Variants in SH3RF3 observed in about 807,000 individuals in gnomAD.
SH3RF3 encodes E3 ubiquitin-protein ligase SH3RF3.
A neutral mutation model predicts 66.3 loss-of-function variants in SH3RF3; 29 were observed. The ratio of observed to expected loss-of-function variants is 0.44; its 90% confidence interval spans 0.33 to 0.60. SH3RF3 has a LOEUF of 0.60. Among genes scored for constraint, SH3RF3 ranks in the 20% least tolerant of loss-of-function variants. The pLI is 0.04. For missense variants in SH3RF3, 1,194 were observed against 1,190.9 expected, an observed-to-expected ratio of 1.00 and a Z score of -0.04; for synonymous variants, 583 against 532.0, an observed-to-expected ratio of 1.10 and a Z score of -1.32.
intron 3 of SH3RF3, among the ~76,000 whole-genome samples, chr2:109,372,507 A>G (rs777445540): frequency 8.5e-5 from 13 of 152,230 alleles, no homozygotes; most frequent in African/African-American, 2.7e-4. Flanking sequence ...TGTGCCAGAC[A>G]CTTGGAAGTA....
chr2:109,374,167 C>T (rs1369054296), intron 3 of SH3RF3, among the ~76,000 whole-genome samples: 1 of 152,194 alleles, frequency 6.6e-6, no homozygotes, highest in Non-Finnish European at 1.5e-5. Context: ...TTCCACCCAC[C>T]TGGATAGGAA....
intron 1 of SH3RF3, among the ~76,000 whole-genome samples, chr2:109,207,314 CTAATT>C (rs1210945917): frequency 1.3e-5 from 2 of 152,064 alleles, no homozygotes; most frequent in Non-Finnish European, 2.9e-5. Flanking sequence ...GAATTTGTCT[CTAATT>C]TATGCCAATT....
intron 1 of SH3RF3, among the ~76,000 whole-genome samples, chr2:109,268,953 G>A (rs10195035): frequency 1.1e-4 from 16 of 152,066 alleles, no homozygotes; most frequent in Non-Finnish European, 1.6e-4. Flanking sequence ...ATCTTTTTCC[G>A]TTTTCTGGGG....
chr2:109,224,962 C>A (rs1325825243), intron 1 of SH3RF3, among the ~76,000 whole-genome samples: 1 of 152,094 alleles, frequency 6.6e-6, no homozygotes, highest in Non-Finnish European at 1.5e-5. Context: ...TGCAGCATAA[C>A]CTTATCTTTT....
intron 1 of SH3RF3, among the ~76,000 whole-genome samples, chr2:109,280,974 G>A (rs1021749862): frequency 2.6e-5 from 4 of 152,220 alleles, no homozygotes; most frequent in African/African-American, 9.6e-5. Context: ...CAGTGGTGAT[G>A]CAGAACACAC....
chr2:109,488,674 G>C (rs923546134), intron 8 of SH3RF3, among the ~76,000 whole-genome samples: 14 of 152,138 alleles, frequency 9.2e-5, no homozygotes, highest in Non-Finnish European at 1.5e-4. Context: ...TCTCCCTCAA[G>C]TTGTGCCGCC....
chr2:109,326,579 A>G (rs904463071), intron 1 of SH3RF3, among the ~76,000 whole-genome samples: 4 of 152,156 alleles, frequency 2.6e-5, no homozygotes, highest in Non-Finnish European at 5.9e-5. Flanking sequence ...TTTAATTTGC[A>G]GTTCTTGGAT....
At chr2:109,472,517 T>C (rs1678550101) in intron 8 of SH3RF3, among the ~76,000 whole-genome samples, 1 of 152,158 alleles carries the variant, frequency 6.6e-6, no homozygotes, top group South Asian at 2.1e-4. Context: ...GAGCTTTGAT[T>C]TACGGTTGCT....
Position 109,307,708 on chromosome 2 carries a change from A to G in SH3RF3, c.574-39966A>G, listed in dbSNP as rs1681632000. On this transcript the variant is annotated intron_variant, in intron 1 of 9. Coordinates refer to ENST00000309415, the MANE Select transcript of SH3RF3 (RefSeq NM_001099289.3). ...TTGCTCTTGCGATAGTTTACTGAGA[A>G]TGATGATTTCCAATTTCATCCATGT... Among the ~76,000 whole-genome samples, 3 of 148,868 alleles carry G rather than the reference A, an allele frequency of 2.0e-5. No individual in the cohort carries two copies. The South Asian group carries it at 6.4e-4, about 32-fold the overall frequency.
chr2:109,491,072 C>G, intron 9 of SH3RF3, 136 bp downstream of exon 9: 1 of 796,532 alleles, frequency 1.3e-6, no homozygotes, highest in Non-Finnish European at 1.8e-6. Flanking sequence ...CCCAGATCCA[C>G]ATGGTCCCGA....
At position 109,449,456 on chromosome 2, in the gene SH3RF3, G is replaced by A. The variant is rs950971391; in HGVS notation, c.2115G>A (p.Thr705=). Residue 705 remains threonine, a synonymous_variant, in exon 8 of 10, where the codon ACG becomes ACA. Transcript: ENST00000309415. Reference sequence around the variant, plus strand: ...TGTCCACATCCAGCCCCACCAACACGGGATGCAAACTAGACGAGAAGAAAA... The same window carrying A: ...TGTCCACATCCAGCCCCACCAACACAGGATGCAAACTAGACGAGAAGAAAA... ...GVLSTSSPTN[T]GCKLDEKKSE... is the part of the protein sequence containing the mutation. The A allele has an allele frequency of 3.1e-6, 5 of 1,613,978 alleles. No individual in the cohort carries two copies. Among genetic ancestry groups the A allele is most frequent in the Admixed American group, 1.7e-5 (1 of 60,022 alleles).
chr2:109,332,397 C>T (rs189385570), intron 1 of SH3RF3, among the ~76,000 whole-genome samples: 24 of 152,230 alleles, frequency 1.6e-4, no homozygotes, highest in African/African-American at 4.3e-4. Context: ...CTGACACTCC[C>T]GCGACTCCCC....
intron 3 of SH3RF3, among the ~76,000 whole-genome samples, chr2:109,374,439 T>C (rs1357283206): frequency 6.6e-6 from 1 of 152,210 alleles, no homozygotes; most frequent in African/African-American, 2.4e-5. Flanking sequence ...ACACACCACA[T>C]GGATCCTGGT....
In SH3RF3 at chr2:109,129,930, C is replaced by T; in HGVS notation, c.390C>T (p.Ser130=). The T allele has an allele frequency of 6.7e-7, 1 of 1,484,716 alleles. No individual in the cohort carries two copies. Among genetic ancestry groups the T allele is most frequent in the Non-Finnish European group, 8.9e-7 (1 of 1,124,246 alleles). 92.0% of individuals were successfully genotyped at this position (1,484,716 alleles called of 1,614,324 possible). ...GTCAGCGGCCCCGCGCGGGCACCAG[C>T]CCCGGCGGCAGCCCGCCCGCGCGTC... ...GIRQRPRAGT[S]PGGSPPARPI... Residue 130 remains serine, a synonymous_variant, in exon 1 of 10, where the codon AGC becomes AGT. Coordinates refer to ENST00000309415, the MANE Select transcript of SH3RF3 (RefSeq NM_001099289.3).
chr2:109,283,035 C>T (rs190127859), intron 1 of SH3RF3, among the ~76,000 whole-genome samples: 10 of 152,340 alleles, frequency 6.6e-5, no homozygotes, highest in Admixed American at 2.0e-4. Context: ...ACTGTGTGAA[C>T]TGTGTATGCA....
chr2:109,384,621 C>A (rs1675776954), intron 3 of SH3RF3, among the ~76,000 whole-genome samples: 1 of 152,172 alleles, frequency 6.6e-6, no homozygotes, highest in Non-Finnish European at 1.5e-5. Flanking sequence ...CCCTTCTCTG[C>A]CGAGTGCCCG....
chr2:109,501,198 A>T (rs1247827431), intron 9 of SH3RF3, among the ~76,000 whole-genome samples: 1 of 152,078 alleles, frequency 6.6e-6, no homozygotes, highest in Non-Finnish European at 1.5e-5. Flanking sequence ...CCAGGGCAGG[A>T]GCGTGGATAT....
intron 1 of SH3RF3, among the ~76,000 whole-genome samples, chr2:109,344,894 C>T (rs924513911): frequency 6.6e-6 from 1 of 152,140 alleles, no homozygotes; most frequent in African/African-American, 2.4e-5. Context: ...GGGTTCACAT[C>T]AAGTCCCATG....
chr2:109,432,073 C>A (rs1677240868), intron 5 of SH3RF3, among the ~76,000 whole-genome samples: 1 of 152,180 alleles, frequency 6.6e-6, no homozygotes, highest in Non-Finnish European at 1.5e-5. Flanking sequence ...GCTTAGCTCA[C>A]CCTCAGTTTT....
Sources: gnomAD v4.1 joint callset for allele counts (sites outside exome capture counted in the v4.1 genomes callset) on GRCh38, gnomAD v4.1.1 for gene constraint, MANE v1.5 for transcripts, NCBI Gene and HGNC (gene_info 2026-07-23, HGNC 2026-07-21) for gene names.